The following ATP10A variants were observed in gnomAD, a reference collection of about 807,000 sequenced individuals.
ATP10A encodes the protein phospholipid-transporting ATPase VA.
Under a neutral mutation model 147.8 loss-of-function variants are expected in ATP10A, and 111 were observed. The ratio of observed to expected loss-of-function variants is 0.75; its 90% CI spans 0.64 to 0.88. The LOEUF (loss-of-function observed/expected upper bound fraction) is 0.88, where lower values mean the gene tolerates loss of function less well. Among genes scored for constraint, ATP10A ranks in the 40% least tolerant of loss-of-function variants. ATP10A has a pLI of 0.00. For synonymous variants in ATP10A, 875 were observed against 841.6 expected, an observed-to-expected ratio of 1.04 and a Z score of -0.69; for missense variants, 1,927 against 1,959.0, an observed-to-expected ratio of 0.98 and a Z score of 0.31.
intron 1 of ATP10A, among the ~76,000 whole-genome samples, chr15:25,857,483 T>C (rs1893568587): frequency 6.6e-6 from 1 of 152,078 alleles, no homozygotes; most frequent in Admixed American, 6.6e-5. Flanking sequence ...GATAATGGTA[T>C]TTATAGTTTA....
chr15:25,843,204 G>A (rs113483365), intron 1 of ATP10A, among the ~76,000 whole-genome samples: 62,891 of 138,252 alleles, frequency 0.45, 16,740 homozygotes, highest in East Asian at 0.65. Flanking sequence ...CCTAGGAGAC[G>A]CAGGCCCACC....
In ATP10A at chr15:25,680,922, A is replaced by G; in HGVS notation, c.3574-8T>C. ...GTTCGAGTCATAGTAGGCCTGAAAG[A>G]CAGTGGGGTCCTGGATCTGTAGGTC... is the stretch of plus-strand genomic sequence containing the variant. On this transcript the variant is annotated splice_polypyrimidine_tract_variant and splice_region_variant and intron_variant, in intron 18 of 20. Transcript: ENST00000555815. The G allele has an allele frequency of 6.2e-7, 1 of 1,614,118 alleles. No homozygotes were observed. Among genetic ancestry groups the G allele is most frequent in the South Asian group, 1.1e-5 (1 of 91,088 alleles).
In ATP10A at chr15:25,766,550, C is replaced by G. The variant is rs558577181; in HGVS notation, c.654+14469G>C. Among the ~76,000 whole-genome samples, 23 of 152,090 alleles carry G rather than the reference C, an allele frequency of 1.5e-4. No homozygotes were observed. In the South Asian group the frequency reaches 4.2e-3, roughly 28 times the overall value. ...TCCTGAAATAGGGCTTCCCTCTGAG[C>G]CAGCAGAAGAAGTGAGGAGGGCAGG... On this transcript the variant is annotated intron_variant, in intron 2 of 20. Coordinates refer to ENST00000555815, the MANE Select transcript of ATP10A (RefSeq NM_024490.4).
chr15:25,790,940 A>G (rs1890389457), intron 1 of ATP10A, among the ~76,000 whole-genome samples: 1 of 152,134 alleles, frequency 6.6e-6, no homozygotes, highest in Non-Finnish European at 1.5e-5. Context: ...TGCGCTCCTT[A>G]TTCCTACGGA....
chr15:25,681,070 T>C lies in ATP10A; in HGVS notation c.3497A>G (p.Tyr1166Cys), dbSNP rs746751548. The change falls in exon 18 of 21, where the codon TAC becomes TGC. Residue 1166 changes from tyrosine (Y) to cysteine (C), a missense_variant. Transcript: ENST00000555815. ...LYKSGQNMEEYRPRTFWFNMA... is the reference protein window; with the variant it reads ...LYKSGQNMEECRPRTFWFNMA... ...GTTAAACCAGAACGTTCGTGGCCGG[T>C]ATTCCTGGGACACAAAAACAATCAG... 1.2e-6 allele frequency: 2 copies of C among 1,613,374 alleles called. No homozygotes were observed. The highest frequency in any genetic ancestry group is 1.7e-6 in the Non-Finnish European group (2 of 1,179,404).
chr15:25,735,986 GA>G (rs1887243671), intron 3 of ATP10A, 69 bp downstream of exon 3: 7 of 1,303,038 alleles, frequency 5.4e-6, no homozygotes, highest in Non-Finnish European at 6.7e-6. Flanking sequence ...TTATAACTGA[GA>G]ATGTGTAAAC....
At chr15:25,803,045 T>C (rs1265475870) in intron 1 of ATP10A, among the ~76,000 whole-genome samples, 1 of 152,212 alleles carries the variant, frequency 6.6e-6, no homozygotes, top group Non-Finnish European at 1.5e-5. Context: ...GGTGCTCTTA[T>C]GGCCAAGGGC....
At chr15:25,699,818 C>T (rs573888600) in intron 13 of ATP10A, among the ~76,000 whole-genome samples, 26 of 152,088 alleles carry the variant, frequency 1.7e-4, no homozygotes, top group African/African-American at 4.8e-4. Context: ...TAATGAGTTG[C>T]GATGGCACCA....
At chr15:25,815,215 A>C (rs1454098640) in intron 1 of ATP10A, among the ~76,000 whole-genome samples, 1 of 152,180 alleles carries the variant, frequency 6.6e-6, no homozygotes, top group African/African-American at 2.4e-5. Flanking sequence ...ATGCCTACTC[A>C]CTTAAACAAC....
At chr15:25,835,462 C>T (rs1456013993) in intron 1 of ATP10A, among the ~76,000 whole-genome samples, 1 of 152,128 alleles carries the variant, frequency 6.6e-6, no homozygotes, top group Non-Finnish European at 1.5e-5. Flanking sequence ...AGCTCCCTCC[C>T]TGGTCGCAGT....
At chr15:25,750,829 G>C (rs1888119955) in intron 2 of ATP10A, among the ~76,000 whole-genome samples, 1 of 151,862 alleles carries the variant, frequency 6.6e-6, no homozygotes, top group Non-Finnish European at 1.5e-5. Context: ...TCACTGAAAG[G>C]ATAGATCAGG....
intron 2 of ATP10A, among the ~76,000 whole-genome samples, chr15:25,755,121 T>A (rs193129916): frequency 8.5e-5 from 13 of 152,262 alleles, no homozygotes; most frequent in Non-Finnish European, 7.4e-5. Flanking sequence ...AGTTTCCTTA[T>A]AAGAACTACC....
Position 25,775,409 on chromosome 15 carries a change from C to A in ATP10A, c.654+5610G>T, listed in dbSNP as rs185847568. Among the ~76,000 whole-genome samples, 21 of 152,292 alleles carry A rather than the reference C, an allele frequency of 1.4e-4. No individual in the cohort carries two copies. The East Asian group carries it at 3.9e-3, about 28-fold the overall frequency. ...TGAGTCAGAGCCTGAATACACCAGG[C>A]CCCCCAGGGACTGGTCACAGTGTAT... On this transcript the variant is annotated intron_variant, in intron 2 of 20. Coordinates refer to ENST00000555815, the MANE Select transcript of ATP10A (RefSeq NM_024490.4).
At chr15:25,708,342 C>T (rs376964152) in intron 10 of ATP10A, 42 bp from the exon 11 acceptor site, 2 of 1,560,808 alleles carry the variant, frequency 1.3e-6, no homozygotes, top group Non-Finnish European at 1.8e-6. Context: ...AGAACTGGCG[C>T]CTGTGGAATG....
rs114575368 is a variant in ATP10A, at chr15:25,819,156, G to C, written c.450-37933C>G. 1.9e-3 allele frequency among the ~76,000 whole-genome samples: 290 copies of C among 152,266 alleles called. 3 individuals are homozygous for C. Among genetic ancestry groups the C allele is most frequent in the African/African-American group, 6.5e-3 (271 of 41,546 alleles). Reference sequence around the variant, plus strand: ...TGAATAGACAGCCTGCAGAATAAGAGAAGACATTTGCAAACTATGCCGCTG... The same window carrying C: ...TGAATAGACAGCCTGCAGAATAAGACAAGACATTTGCAAACTATGCCGCTG... On this transcript the variant is annotated intron_variant, in intron 1 of 20. Transcript: ENST00000555815.
intron 1 of ATP10A, among the ~76,000 whole-genome samples, chr15:25,851,623 G>A (rs1247815148): frequency 6.6e-6 from 1 of 152,150 alleles, no homozygotes; most frequent in Non-Finnish European, 1.5e-5. Flanking sequence ...CCAACAGAGG[G>A]TATCTCTGGA....
At chr15:25,703,253 G>A (rs1437686215) in intron 12 of ATP10A, among the ~76,000 whole-genome samples, 1 of 152,200 alleles carries the variant, frequency 6.6e-6, no homozygotes, top group Non-Finnish European at 1.5e-5. Flanking sequence ...AGCTGCTCGG[G>A]AGGTTGAGGC....
chr15:25,857,241 GGAGACCAGCCTGGGCAACATAGT>G (rs1416868494), intron 1 of ATP10A, among the ~76,000 whole-genome samples: 1 of 152,074 alleles, frequency 6.6e-6, no homozygotes, highest in African/African-American at 2.4e-5. Context: ...CCCAGGAGTT[GGAGACCAGCCTGGGCAACATAGT>G]GAGACCTTAT....
chr15:25,845,326 G>GTGTGTT (rs201652114), intron 1 of ATP10A, among the ~76,000 whole-genome samples: 280 of 120,270 alleles, frequency 2.3e-3, no homozygotes, highest in East Asian at 5.1e-3. Flanking sequence ...GTGTGTTTGT[G>GTGTGTT]TGTGTGTGTG....
Sources: gnomAD v4.1 joint callset for allele counts (sites outside exome capture counted in the v4.1 genomes callset) on GRCh38, gnomAD v4.1.1 for gene constraint, MANE v1.5 for transcripts, NCBI Gene and HGNC (gene_info 2026-07-23, HGNC 2026-07-21) for gene names.